The following ZSCAN32 variants were observed in gnomAD, a reference collection of about 807,000 sequenced individuals.
ZSCAN32 encodes the protein zinc finger and SCAN domain-containing protein 32.
ZSCAN32 carries 52 observed loss-of-function variants against 47.4 expected under a neutral mutation model. That is an observed-to-expected ratio of 1.10 (90% CI 0.88 to 1.38). ZSCAN32 has a LOEUF of 1.38. ZSCAN32 is among the 40% of genes most tolerant of loss of function. The pLI is 0.00. For synonymous variants in ZSCAN32, 346 were observed against 305.7 expected (o/e 1.13, Z -1.38); for missense variants, 959 against 846.0 (o/e 1.13, Z -1.66).
intron 5 of ZSCAN32, among the ~76,000 whole-genome samples, chr16:3,386,146 T>C (rs1445133449): frequency 2.6e-5 from 4 of 152,314 alleles, no homozygotes; most frequent in Admixed American, 6.5e-5. Context: ...GAACAGACAC[T>C]TCTCAAAAGA....
At chr16:3,397,087 C>T in intron 2 of ZSCAN32, 105 bp downstream of exon 2, 1 of 1,387,618 alleles carries the variant, frequency 7.2e-7, no homozygotes, top group East Asian at 2.5e-5. Context: ...CTTCTGTGGG[C>T]AGCAGAGGGC....
intron 5 of ZSCAN32, among the ~76,000 whole-genome samples, chr16:3,388,070 T>G (rs2032224276): frequency 1.3e-5 from 2 of 152,362 alleles, no homozygotes; most frequent in African/African-American, 4.8e-5. Flanking sequence ...ACAGGAGTCT[T>G]GTGCTTATTT....
rs1046789044 is a variant in ZSCAN32, at chr16:3,390,191, G to C, written c.628-58C>G. The C allele has an allele frequency of 4.4e-5, 67 of 1,519,672 alleles. No individual in the cohort carries two copies. The South Asian group carries it at 4.4e-4, about 10-fold the overall frequency. The allele number at this position is 1,519,672 out of a possible 1,614,324, so 94.1% of individuals were successfully genotyped here. On this transcript the variant is annotated intron_variant, in intron 4 of 6. Coordinates refer to ENST00000396852, the MANE Select transcript of ZSCAN32 (RefSeq NM_001284527.2). ...AAATAGCACCACTCTAGCCTGGGGTGGGGGCAGAGACAGGATCACAGTTGT... is the reference window on the plus strand; with the variant it reads ...AAATAGCACCACTCTAGCCTGGGGTCGGGGCAGAGACAGGATCACAGTTGT...
At chr16:3,398,698 T>C (rs1004858287) in intron 1 of ZSCAN32, among the ~76,000 whole-genome samples, 3 of 152,152 alleles carry the variant, frequency 2.0e-5, no homozygotes, top group Non-Finnish European at 4.4e-5. Context: ...CTCACACACC[T>C]AGGTCTTTTT....
intron 5 of ZSCAN32, among the ~76,000 whole-genome samples, chr16:3,389,360 A>G (rs1406712756): frequency 6.6e-6 from 1 of 152,214 alleles, no homozygotes; most frequent in Non-Finnish European, 1.5e-5. Flanking sequence ...AGCCAGGAGT[A>G]CCCTGCATGT....
In ZSCAN32 at chr16:3,387,952, C is replaced by T. The variant is rs1311654399; in HGVS notation, c.751+2058G>A. On this transcript the variant is annotated intron_variant, in intron 5 of 6. Coordinates refer to ENST00000396852, the MANE Select transcript of ZSCAN32 (RefSeq NM_001284527.2). ...AAGTGGTCCTTTTAAAACTATTACT[C>T]CTCTGCCCAGAACCGCACAAGGCTC... Among the ~76,000 whole-genome samples the T allele has an allele frequency of 3.3e-5, 5 of 152,170 alleles. No homozygotes were observed. In the South Asian group the frequency reaches 8.3e-4, roughly 25 times the overall value.
At position 3,384,783 on chromosome 16, in the gene ZSCAN32, C is replaced by A; in HGVS notation, c.910G>T (p.Glu304Ter). 1 of 1,614,192 alleles carries A rather than the reference C, an allele frequency of 6.2e-7. No homozygotes were observed. Among genetic ancestry groups the A allele is most frequent in the East Asian group, 2.2e-5 (1 of 44,884 alleles). ...LWEQGFLRTP[E>*]QCRTKFKSLQ... Reference sequence around the variant, plus strand: ...CTTTTGAACTTGGTGCGACACTGTTCTGGGGTCCGCAGAAAACCCTGCTCC... The same window carrying A: ...CTTTTGAACTTGGTGCGACACTGTTATGGGGTCCGCAGAAAACCCTGCTCC... Residue 304 changes from glutamate (E) to a stop codon, truncating the protein, a stop_gained, in exon 6 of 7, where the codon GAA becomes TAA. Transcript: ENST00000396852. LOFTEE classifies it high-confidence loss of function.
In ZSCAN32 at chr16:3,382,580, C is replaced by A; in HGVS notation, c.*272G>T. ...GGGTGCCCATTCTCAGTGCTAGGAA[C>A]AGGAAGACCCTGGTTTCCTGGTAGA... On this transcript the variant is annotated 3_prime_UTR_variant, in exon 7 of 7. Transcript: ENST00000396852. 1 of 317,834 alleles carries A rather than the reference C, an allele frequency of 3.1e-6. No individual in the cohort carries two copies. The highest frequency in any genetic ancestry group is 5.7e-6 in the Non-Finnish European group (1 of 176,328). 19.7% of individuals were successfully genotyped at this position (317,834 alleles called of 1,614,324 possible).
chr16:3,386,029 T>G (rs1230988896), intron 5 of ZSCAN32, among the ~76,000 whole-genome samples: 1 of 152,082 alleles, frequency 6.6e-6, no homozygotes, highest in African/African-American at 2.4e-5. Flanking sequence ...GGGAGAAAAT[T>G]TTTGCAATCT....
At chr16:3,386,638 G>T (rs534948103) in intron 5 of ZSCAN32, among the ~76,000 whole-genome samples, 2 of 152,306 alleles carry the variant, frequency 1.3e-5, no homozygotes, top group African/African-American at 2.4e-5. Context: ...CATGTCCTTT[G>T]TAGGGACATG....
intron 5 of ZSCAN32, among the ~76,000 whole-genome samples, chr16:3,388,206 T>C (rs2150880618): frequency 6.6e-6 from 1 of 152,320 alleles, no homozygotes; most frequent in South Asian, 2.1e-4. Flanking sequence ...TCTGAGCTCG[T>C]TTTCTCATTA....
intron 5 of ZSCAN32, among the ~76,000 whole-genome samples, chr16:3,388,162 A>G (rs1221949378): frequency 6.6e-6 from 1 of 152,224 alleles, no homozygotes; most frequent in Non-Finnish European, 1.5e-5. Flanking sequence ...GCTCCCTCTC[A>G]GTCTCAGCTA....
Position 3,397,722 on chromosome 16 carries a change from AAG to A in ZSCAN32, c.-167_-166del, listed in dbSNP as rs2033513624. 4 of 875,858 alleles carry A rather than the reference AAG, an allele frequency of 4.6e-6. No individual in the cohort carries two copies. In the South Asian group the frequency reaches 8.1e-5, roughly 18 times the overall value. The allele number at this position is 875,858 out of a possible 1,614,324, so 54.3% of individuals were successfully genotyped here. On this transcript the variant is annotated 5_prime_UTR_variant, in exon 2 of 7. Coordinates refer to ENST00000396852, the MANE Select transcript of ZSCAN32 (RefSeq NM_001284527.2). ...TGTGTAGAGACTCACAGCGGAAAAA[AAG>A]GGCTCAACTTTGAAGGATGTCTGAA...
rs1350903601 is a variant in ZSCAN32 at position 3,383,052 on chromosome 16, G to C, written c.1894C>G (p.Pro632Ala). 1 of 1,614,134 alleles carries C rather than the reference G, an allele frequency of 6.2e-7. No individual in the cohort carries two copies. Among genetic ancestry groups the C allele is most frequent in the Non-Finnish European group, 8.5e-7 (1 of 1,180,002 alleles). ...TTCCCACACACTGCACACTTGTATG[G>C]GCTCTCCCCAGTGTGGATGCGCCGG... Reference protein sequence around the residue: ...AHRRIHTGESPYKCAVCGKIF... With the variant: ...AHRRIHTGESAYKCAVCGKIF... The change falls in exon 7 of 7, where the codon CCA becomes GCA. Residue 632 changes from proline to alanine, a missense_variant. Coordinates refer to ENST00000396852, the MANE Select transcript of ZSCAN32 (RefSeq NM_001284527.2).
At chr16:3,395,513 G>A (rs936673732) in intron 2 of ZSCAN32, among the ~76,000 whole-genome samples, 1 of 152,140 alleles carries the variant, frequency 6.6e-6, no homozygotes, top group Admixed American at 6.5e-5. Context: ...GGACATGTTT[G>A]CTTCCCCTTC....
intron 4 of ZSCAN32, 76 bp downstream of exon 4, chr16:3,390,347 C>T (rs1378416548): frequency 8.5e-6 from 12 of 1,419,238 alleles, no homozygotes; most frequent in Non-Finnish European, 1.1e-5. Flanking sequence ...GAATCTTTCT[C>T]ATGTCTCTGG....
At position 3,397,351 on chromosome 16, in the gene ZSCAN32, C is replaced by T. The variant is rs1356103291; in HGVS notation, c.207G>A (p.Lys69=). The part of the protein sequence containing the change: ...WELCCQWLRP[K]THSKEEILEL... ...CCAGGATTTCCTCTTTTGAGTGGGT[C>T]TTCGGCCTCAGCCACTGACAACAGA... is the stretch of plus-strand genomic sequence containing the variant. Residue 69 remains lysine (K), a synonymous_variant, in exon 2 of 7, where the codon AAG becomes AAA. Transcript: ENST00000396852. 7 of 1,559,412 alleles carry T rather than the reference C, an allele frequency of 4.5e-6. No individual in the cohort carries two copies. The highest frequency in any genetic ancestry group is 6.1e-6 in the Non-Finnish European group (7 of 1,152,040).
chr16:3,390,602 G>T, intron 3 of ZSCAN32, 85 bp from the exon 4 acceptor site: 1 of 1,083,138 alleles, frequency 9.2e-7, no homozygotes, highest in Non-Finnish European at 1.3e-6. Context: ...TCCTGGGCCA[G>T]CCGCATCAGC....
At position 3,383,564 on chromosome 16, in the gene ZSCAN32, G is replaced by T; in HGVS notation, c.1382C>A (p.Ser461Ter). The change falls in exon 7 of 7, where the codon TCA becomes TAA. Residue 461 changes from serine (S) to a stop codon, truncating the protein, a stop_gained. Coordinates refer to ENST00000396852, the MANE Select transcript of ZSCAN32 (RefSeq NM_001284527.2). LOFTEE classifies it low-confidence loss of function (END_TRUNC). ...TGGAGAATTTCTACATTGCCTTCTT[G>T]ATGTTGGCTCACTCTCCAAGCCTTT... Reference protein sequence around the residue: ...LQKGLESEPTSRRQCRNSPGE... With the variant: ...LQKGLESEPT 1 of 1,614,036 alleles carries T rather than the reference G, an allele frequency of 6.2e-7. No homozygotes were observed. The highest frequency in any genetic ancestry group is 8.5e-7 in the Non-Finnish European group (1 of 1,180,028).
Sources: allele counts gnomAD v4.1 joint callset (sites outside exome capture counted in the v4.1 genomes callset), GRCh38; gene constraint gnomAD v4.1.1; transcripts MANE v1.5; gene names NCBI Gene and HGNC (gene_info 2026-07-23, HGNC 2026-07-21).